Variants in WWOX observed in about 807,000 individuals in gnomAD.
WWOX encodes WW domain containing oxidoreductase, also known as WW domain-containing oxidoreductase.
WWOX carries 69 observed loss-of-function variants against 46.2 expected under a neutral mutation model. The observed-to-expected ratio is 1.49, with a 90% confidence interval of 1.23 to 1.82. The LOEUF (loss-of-function observed/expected upper bound fraction) is 1.82, where lower values mean the gene tolerates loss of function less well. Ranked by LOEUF, WWOX falls within the 40% of genes most tolerant of loss-of-function variation. The pLI, the probability that WWOX is intolerant of heterozygous loss-of-function variation, is 0.00. For missense variants in WWOX, 919 were observed against 542.6 expected, an observed-to-expected ratio of 1.69 and a Z score of -6.89; for synonymous variants, 359 against 202.6, an observed-to-expected ratio of 1.77 and a Z score of -6.56.
intron 8 of WWOX, among the ~76,000 whole-genome samples, chr16:78,747,842 C>T (rs1367087789): frequency 6.6e-6 from 1 of 152,166 alleles, no homozygotes; most frequent in African/African-American, 2.4e-5. Context: ...GCTCCATGAT[C>T]AAGGATAAAC....
intron 5 of WWOX, among the ~76,000 whole-genome samples, chr16:78,241,016 C>G (rs757736054): frequency 1.3e-4 from 20 of 152,270 alleles, no homozygotes; most frequent in Middle Eastern, 6.8e-3. Flanking sequence ...TGGGCATGTT[C>G]CTCACCTGGC....
intron 8 of WWOX, among the ~76,000 whole-genome samples, chr16:78,666,524 A>C (rs1206620227): frequency 2.0e-5 from 3 of 152,202 alleles, no homozygotes; most frequent in African/African-American, 7.2e-5. Flanking sequence ...CTAGGTCAGC[A>C]AATTTTATTT....
chr16:79,130,655 A>G (rs2049858299), intron 8 of WWOX, among the ~76,000 whole-genome samples: 1 of 152,204 alleles, frequency 6.6e-6, no homozygotes, highest in Non-Finnish European at 1.5e-5. Flanking sequence ...CCAAGAACAA[A>G]TTAACCCAGG....
chr16:78,321,095 A>C (rs943742085), intron 5 of WWOX, among the ~76,000 whole-genome samples: 6 of 152,022 alleles, frequency 3.9e-5, no homozygotes, highest in African/African-American at 1.4e-4. Context: ...CCTGAACACC[A>C]GAGTGTCTTT....
Position 78,461,621 on chromosome 16 carries a change from C to G in WWOX, c.1056+28869C>G, listed in dbSNP as rs558705058. Among the ~76,000 whole-genome samples, 3 of 152,328 alleles carry G rather than the reference C, an allele frequency of 2.0e-5. No individual in the cohort carries two copies. In the East Asian group the frequency reaches 5.8e-4, roughly 29 times the overall value. ...TGTTATTTCAGTGCAAAGCTGTTTTCACAATCACAGACATGCACAGCTCAA... is the reference window on the plus strand; with the variant it reads ...TGTTATTTCAGTGCAAAGCTGTTTTGACAATCACAGACATGCACAGCTCAA... On this transcript the variant is annotated intron_variant, in intron 8 of 8. Transcript: ENST00000566780.
intron 8 of WWOX, among the ~76,000 whole-genome samples, chr16:78,920,820 G>C (rs1028408134): frequency 6.6e-6 from 1 of 152,144 alleles, no homozygotes; most frequent in Non-Finnish European, 1.5e-5. Context: ...AAAAGACCTG[G>C]CTTTGGCTGT....
chr16:78,536,940 A>T (rs1270555252), intron 8 of WWOX, among the ~76,000 whole-genome samples: 2 of 136,316 alleles, frequency 1.5e-5, no homozygotes, highest in African/African-American at 2.8e-5. Flanking sequence ...TTTGAGAGAG[A>T]GAGTCTCACT....
At chr16:78,958,993 A>G (rs750532896) in intron 8 of WWOX, among the ~76,000 whole-genome samples, 10 of 152,198 alleles carry the variant, frequency 6.6e-5, no homozygotes, top group African/African-American at 2.4e-4. Flanking sequence ...TTAGTTTCCC[A>G]TCTGTGAAAA....
At chr16:78,471,837 C>T (rs1489897680) in intron 8 of WWOX, among the ~76,000 whole-genome samples, 1 of 152,120 alleles carries the variant, frequency 6.6e-6, no homozygotes, top group East Asian at 1.9e-4. Flanking sequence ...TTTATGTACA[C>T]ATTAAATAAA....
At chr16:78,625,377 A>AC (rs2046288683) in intron 8 of WWOX, among the ~76,000 whole-genome samples, 1 of 151,886 alleles carries the variant, frequency 6.6e-6, no homozygotes, top group Non-Finnish European at 1.5e-5. Flanking sequence ...CCTGAAATTC[A>AC]CCCCCACACA....
At chr16:78,724,294 T>G (rs1302814391) in intron 8 of WWOX, among the ~76,000 whole-genome samples, 1 of 152,190 alleles carries the variant, frequency 6.6e-6, no homozygotes, top group Non-Finnish European at 1.5e-5. Context: ...ATACAGTAGT[T>G]GGATTCATTA....
intron 5 of WWOX, among the ~76,000 whole-genome samples, chr16:78,298,715 T>G (rs1376957332): frequency 6.6e-6 from 1 of 150,626 alleles, no homozygotes; most frequent in African/African-American, 2.5e-5. Flanking sequence ...CGCTTAAACC[T>G]GGGAGGCGGA....
chr16:78,134,346 T>TC (rs1254332417), intron 4 of WWOX, among the ~76,000 whole-genome samples: 1 of 145,978 alleles, frequency 6.9e-6, no homozygotes, highest in Admixed American at 6.7e-5. Context: ...AAAGACTATT[T>TC]TTTTTTTTGG....
chr16:78,128,688 A>G (rs1025574540), intron 4 of WWOX, among the ~76,000 whole-genome samples: 3 of 152,226 alleles, frequency 2.0e-5, no homozygotes, highest in Non-Finnish European at 2.9e-5. Context: ...AAGAATGAAA[A>G]TAATCAATCT....
intron 8 of WWOX, among the ~76,000 whole-genome samples, chr16:79,168,870 T>C (rs999785260): frequency 7.9e-5 from 12 of 152,188 alleles, no homozygotes. Flanking sequence ...TTCCTTAACA[T>C]TTTTTAAAAC....
At chr16:78,679,651 C>T (rs1031886182) in intron 8 of WWOX, among the ~76,000 whole-genome samples, 1 of 152,212 alleles carries the variant, frequency 6.6e-6, no homozygotes, top group African/African-American at 2.4e-5. Flanking sequence ...GCTCCTATTC[C>T]TGTTTCCTTG....
At chr16:78,756,880 G>A (rs73573724) in intron 8 of WWOX, 14,850 of 702,342 alleles carry the variant, frequency 0.021, 400 homozygotes, top group African/African-American at 0.087. Flanking sequence ...TGTGACTTAC[G>A]AGGCTAGACC....
At chr16:78,466,641 C>G (rs945849643) in intron 8 of WWOX, among the ~76,000 whole-genome samples, 3 of 151,992 alleles carry the variant, frequency 2.0e-5, no homozygotes, top group African/African-American at 7.2e-5. Context: ...ATCAGCCTGG[C>G]CAACATGGTG....
intron 8 of WWOX, among the ~76,000 whole-genome samples, chr16:78,800,569 T>C (rs1206016567): frequency 6.6e-6 from 1 of 152,186 alleles, no homozygotes; most frequent in African/African-American, 2.4e-5. Context: ...ATATGCAGAA[T>C]CTGTCCCCAC....
Sources: allele counts gnomAD v4.1 joint callset (sites outside exome capture counted in the v4.1 genomes callset), GRCh38; gene constraint gnomAD v4.1.1; transcripts MANE v1.5; gene names NCBI Gene and HGNC (gene_info 2026-07-23, HGNC 2026-07-21).